USH2A: variants seen among roughly 807,000 people sequenced by gnomAD.
USH2A encodes the protein Usher syndrome 2A (autosomal recessive, mild).
USH2A carries 443 observed loss-of-function variants against 538.9 expected under a neutral mutation model. That is an observed-to-expected ratio of 0.82 (90% confidence interval 0.76 to 0.89). The LOEUF (loss-of-function observed/expected upper bound fraction) is 0.89, where lower values mean the gene tolerates loss of function less well. USH2A is among the 40% of genes least tolerant of loss of function. The pLI, the probability that USH2A is intolerant of heterozygous loss-of-function variation, is 0.00. For synonymous variants in USH2A, 2,413 were observed against 2,273.5 expected (o/e 1.06, Z -1.75); for missense variants, 6,633 against 6,324.8 (o/e 1.05, Z -1.65).
intron 32 of USH2A, among the ~76,000 whole-genome samples, chr1:216,023,459 C>CAAAAAAAAAAAAA: frequency 0.015 from 685 of 46,714 alleles, 23 homozygotes; most frequent in Non-Finnish European, 0.02. Flanking sequence ...TCAAAGCAGA[C>CAAAAAAAAAAAAA]AAAAAAAAAA....
chr1:216,043,655 C>T (rs2030385342), intron 32 of USH2A, among the ~76,000 whole-genome samples: 1 of 152,070 alleles, frequency 6.6e-6, no homozygotes, highest in South Asian at 2.1e-4. Flanking sequence ...TTCAAACAAA[C>T]AAAATACAGA....
At chr1:215,722,279 G>C (rs1426773112) in intron 61 of USH2A, among the ~76,000 whole-genome samples, 1 of 152,058 alleles carries the variant, frequency 6.6e-6, no homozygotes, top group Non-Finnish European at 1.5e-5. Flanking sequence ...AGTCACCAAA[G>C]GAGTCCTTTT....
At chr1:216,226,346 G>A (rs149747992) in intron 14 of USH2A, among the ~76,000 whole-genome samples, 42 of 152,270 alleles carry the variant, frequency 2.8e-4, no homozygotes, top group African/African-American at 8.7e-4. Flanking sequence ...GTCTAATCCT[G>A]TATATTAGTC....
rs759067576 is a variant in USH2A, at chr1:215,771,579, CAAAAAAAAAAAAAAAAAAAAAAAAAAA to C, written c.10940-4818_10940-4792del. ...TGGGCGACAGAGCGAGACTCCGTCT[CAAAAAAAAAAAAAAAAAAAAAAAAAAA>C]AAAAAAAAAAAAAAAAAATTCAAGT... On this transcript the variant is annotated intron_variant, in intron 55 of 71. Transcript: ENST00000307340. Among the ~76,000 whole-genome samples the C allele has an allele frequency of 4.8e-4, 21 of 43,998 alleles. No individual in the cohort carries two copies. The South Asian group carries it at 4.9e-3, about 10-fold the overall frequency. 28.9% of individuals were successfully genotyped at this position (43,998 alleles called of 152,430 possible).
chr1:215,914,139 T>C (rs972854848), intron 38 of USH2A, among the ~76,000 whole-genome samples: 4 of 148,450 alleles, frequency 2.7e-5, no homozygotes, highest in Admixed American at 2.0e-4. Context: ...AGTGGTGCAA[T>C]TTCTGCTCAC....
intron 9 of USH2A, among the ~76,000 whole-genome samples, chr1:216,317,695 T>C (rs950795700): frequency 6.7e-6 from 1 of 150,094 alleles, no homozygotes; most frequent in African/African-American, 2.5e-5. Flanking sequence ...AAAAAAAAAA[T>C]ACAAAAAGTT....
intron 32 of USH2A, among the ~76,000 whole-genome samples, chr1:216,010,520 G>A (rs1294974466): frequency 6.6e-6 from 1 of 151,864 alleles, no homozygotes; most frequent in Non-Finnish European, 1.5e-5. Flanking sequence ...CACGGATGCC[G>A]AGCTTTAGGT....
intron 65 of USH2A, among the ~76,000 whole-genome samples, chr1:215,650,288 TAATTA>T (rs758992047): frequency 6.3e-4 from 96 of 152,220 alleles, no homozygotes; most frequent in African/African-American, 2.2e-3. Context: ...ATCTGTTTTC[TAATTA>T]AATTAAATTA....
intron 43 of USH2A, among the ~76,000 whole-genome samples, chr1:215,869,773 G>T (rs988156907): frequency 6.6e-6 from 1 of 152,112 alleles, no homozygotes; most frequent in Non-Finnish European, 1.5e-5. Context: ...CATGTTTGTG[G>T]TTCTTTCCTA....
intron 32 of USH2A, among the ~76,000 whole-genome samples, chr1:216,021,819 G>T (rs1407846840): frequency 6.6e-6 from 1 of 152,150 alleles, no homozygotes; most frequent in Non-Finnish European, 1.5e-5. Context: ...AAATTGGGTG[G>T]TGCTATGGTT....
At chr1:216,184,832 A>ATTTACATTTC (rs1374041517) in intron 20 of USH2A, among the ~76,000 whole-genome samples, 1 of 151,964 alleles carries the variant, frequency 6.6e-6, no homozygotes, top group Non-Finnish European at 1.5e-5. Context: ...ACCCAGCAGC[A>ATTTACATTTC]AACAGCCTAT....
chr1:215,680,472 G>T, intron 61 of USH2A, 96 bp from the exon 62 acceptor site: 1 of 1,211,924 alleles, frequency 8.3e-7, no homozygotes, highest in Non-Finnish European at 1.2e-6. Context: ...GCCAAAGCTT[G>T]TAGGCAACAG....
At chr1:216,090,764 A>G (rs1243377602) in intron 22 of USH2A, among the ~76,000 whole-genome samples, 1 of 152,168 alleles carries the variant, frequency 6.6e-6, no homozygotes, top group East Asian at 1.9e-4. Context: ...TGAATTCAAC[A>G]ATACTAATGG....
chr1:216,350,453 T>G (rs1349129123), intron 4 of USH2A, among the ~76,000 whole-genome samples: 1 of 152,158 alleles, frequency 6.6e-6, no homozygotes, highest in Non-Finnish European at 1.5e-5. Flanking sequence ...AAAACCCAGT[T>G]ATTTACCTCC....
At chr1:215,657,546 A>ATC (rs1199859292) in intron 64 of USH2A, among the ~76,000 whole-genome samples, 12 of 152,350 alleles carry the variant, frequency 7.9e-5, no homozygotes, top group South Asian at 6.2e-4. Flanking sequence ...GTTTTCCAGC[A>ATC]TCTCTATCTG....
intron 21 of USH2A, among the ~76,000 whole-genome samples, chr1:216,138,300 C>T (rs1451982515): frequency 1.3e-5 from 2 of 152,072 alleles, no homozygotes; most frequent in African/African-American, 4.8e-5. Context: ...AAAAATGCAG[C>T]ATTCAGTTGA....
chr1:215,674,033 C>A (rs1657907958), intron 63 of USH2A, 67 bp downstream of exon 63: 1 of 1,612,802 alleles, frequency 6.2e-7, no homozygotes, highest in African/African-American at 1.3e-5. Flanking sequence ...TAGAACTGAC[C>A]AAGGGCTCAG....
At chr1:216,333,464 CT>C (rs1203033160) in intron 4 of USH2A, among the ~76,000 whole-genome samples, 1 of 151,948 alleles carries the variant, frequency 6.6e-6, no homozygotes, top group East Asian at 1.9e-4. Flanking sequence ...CCCCAGAAAG[CT>C]GTGGGACGCC....
intron 9 of USH2A, among the ~76,000 whole-genome samples, chr1:216,310,648 C>T (rs985387439): frequency 2.0e-5 from 3 of 152,022 alleles, no homozygotes; most frequent in Non-Finnish European, 4.4e-5. Flanking sequence ...TTTTTCAGTT[C>T]GGTAAATTTA....
Sources: gnomAD v4.1 joint callset for allele counts (sites outside exome capture counted in the v4.1 genomes callset) on GRCh38, gnomAD v4.1.1 for gene constraint, MANE v1.5 for transcripts, NCBI Gene and HGNC (gene_info 2026-07-23, HGNC 2026-07-21) for gene names.